The following PAN3 variants were observed in gnomAD, a reference collection of about 807,000 sequenced individuals.
PAN3 encodes poly(A) specific ribonuclease subunit PAN3.
A neutral mutation model predicts 96.2 loss-of-function variants in PAN3; 19 were observed. The observed-to-expected ratio is 0.20, with a 90% CI of 0.14 to 0.29. PAN3 has a LOEUF of 0.29. Among genes scored for constraint, PAN3 ranks in the 10% least tolerant of loss-of-function variants. PAN3 has a pLI of 1.00. For synonymous variants in PAN3, 433 were observed against 406.6 expected, an observed-to-expected ratio of 1.06 and a Z score of -0.78; for missense variants, 882 against 1,108.1, an observed-to-expected ratio of 0.80 and a Z score of 2.90.
intron 4 of PAN3, among the ~76,000 whole-genome samples, chr13:28,194,002 G>T (rs2138211227): frequency 6.6e-6 from 1 of 151,774 alleles, no homozygotes; most frequent in African/African-American, 2.4e-5. Flanking sequence ...AATAAAAATA[G>T]AAAAATTAGC....
chr13:28,272,025 A>G lies in PAN3; in HGVS notation c.2003A>G (p.Asp668Gly), dbSNP rs993499811. 2 of 1,594,214 alleles carry G rather than the reference A, an allele frequency of 1.3e-6. No individual in the cohort carries two copies. Among genetic ancestry groups the G allele is most frequent in the Non-Finnish European group, 1.7e-6 (2 of 1,165,786 alleles). The change falls in exon 14 of 19, where the codon GAT becomes GGT. Residue 668 changes from aspartate (D) to glycine (G), a missense_variant. By Grantham distance (94) the Asp-to-Gly change is moderately conservative. Transcript: ENST00000380958. ...GGAGTTTTTGATGTTTTAACATTTG[A>G]TAACAGTCAAAATAATAATCCATTG... Reference protein sequence around the residue: ...CVGVFDVLTFDNSQNNNPLAL... With the variant: ...CVGVFDVLTFGNSQNNNPLAL...
In PAN3 at chr13:28,289,712, C is replaced by T. The variant is rs369887443; in HGVS notation, c.2523+1590C>T. 4.2e-4 allele frequency among the ~76,000 whole-genome samples: 64 copies of T among 152,124 alleles called. 2 individuals are homozygous for T. In the Middle Eastern group the frequency reaches 0.01, roughly 24 times the overall value. ...CTGGCTAACACGGTGAAACCCCGTC[C>T]CTACTAAAAAATTAAAAAAGTTAGC... On this transcript the variant is annotated intron_variant, in intron 18 of 18. Coordinates refer to ENST00000380958, the MANE Select transcript of PAN3 (RefSeq NM_175854.8).
rs538205205 is a variant in PAN3, at chr13:28,177,705, T to C, written c.620-160T>C. 1.2e-4 allele frequency among the ~76,000 whole-genome samples: 18 copies of C among 152,332 alleles called. No homozygotes were observed. In the South Asian group the frequency reaches 3.1e-3, roughly 26 times the overall value. The stretch of plus-strand genomic sequence containing the variant: ...GAGCAAATTGGTTCACCAGTTTGTG[T>C]TTTATTTGCTCAGAAAATATTTGAA... On this transcript the variant is annotated intron_variant, in intron 3 of 18. Coordinates refer to ENST00000380958, the MANE Select transcript of PAN3 (RefSeq NM_175854.8).
rs961104371 is a variant in PAN3, at chr13:28,138,633, C to T, written c.-25C>T. 3 of 515,074 alleles carry T rather than the reference C, an allele frequency of 5.8e-6. No homozygotes were observed. The highest frequency in any genetic ancestry group is 2.3e-5 in the African/African-American group (1 of 44,432). 31.9% of individuals were successfully genotyped at this position (515,074 alleles called of 1,614,324 possible). ...GCGGCGGCGGCTCCTCGGGCGGCGGCGGAAGACGAGGCTGCGGCGTTGCCA... is the reference window on the plus strand; with the variant it reads ...GCGGCGGCGGCTCCTCGGGCGGCGGTGGAAGACGAGGCTGCGGCGTTGCCA... On this transcript the variant is annotated 5_prime_UTR_variant, in exon 1 of 19. Transcript: ENST00000380958.
intron 6 of PAN3, among the ~76,000 whole-genome samples, chr13:28,237,502 T>A (rs564065822): frequency 2.0e-5 from 3 of 152,128 alleles, no homozygotes; most frequent in South Asian, 2.1e-4. Flanking sequence ...CATACATTTT[T>A]AAAAAATAGC....
At position 28,267,130 on chromosome 13, in the gene PAN3, G is replaced by A; in HGVS notation, c.1609G>A (p.Val537Ile). Reference sequence around the variant, plus strand: ...TGTTAACACAAAGTGCATGGTGTTGGTCGACATGTGGAAGAAAATTCAACA... The same window carrying A: ...TGTTAACACAAAGTGCATGGTGTTGATCGACATGTGGAAGAAAATTCAACA... ...RLVNTKCMVL[V>I]DMWKKIQHSN... The change falls in exon 11 of 19, where the codon GTC becomes ATC. Residue 537 changes from valine (V) to isoleucine (I), a missense_variant. Physicochemically the swap from Val to Ile is conservative, Grantham distance 29. Transcript: ENST00000380958. The A allele has an allele frequency of 6.2e-7, 1 of 1,612,808 alleles. No homozygotes were observed. The highest frequency in any genetic ancestry group is 1.7e-4 in the Middle Eastern group (1 of 6,056).
chr13:28,138,740 T>G lies in PAN3; in HGVS notation c.83T>G (p.Val28Gly), dbSNP rs1869142906. ...TCGCTGGCGGCGGCGGTGGCGGTGG[T>G]GGCCCCGCCGGGGGTCGGGGGTGTC... ...SSSLAAAVAV[V>G]APPGVGGVPG... Residue 28 changes from valine (V) to glycine (G), a missense_variant, in exon 1 of 19, where the codon GTG becomes GGG. Physicochemically the swap from Val to Gly is moderately radical, Grantham distance 109. Around this residue, in one of 3 missense-constraint regions of PAN3, gnomAD observed 442 missense variants for 422.8 expected, o/e 1.05. Coordinates refer to ENST00000380958, the MANE Select transcript of PAN3 (RefSeq NM_175854.8). 3.3e-6 allele frequency: 4 copies of G among 1,225,968 alleles called. No individual in the cohort carries two copies. In the Admixed American group the frequency reaches 1.3e-4, roughly 41 times the overall value. The allele number at this position is 1,225,968 out of a possible 1,614,324, so 75.9% of individuals were successfully genotyped here. A position where few individuals can be genotyped will look rare whatever the true frequency, so the allele number is the denominator to read the frequency against.
At chr13:28,288,477 C>T (rs540755123) in intron 18 of PAN3, among the ~76,000 whole-genome samples, 21 of 152,062 alleles carry the variant, frequency 1.4e-4, no homozygotes, top group African/African-American at 4.6e-4. Flanking sequence ...TCTTTAGTAG[C>T]GACAAGGTTT....
chr13:28,220,450 A>G (rs1881282517), intron 6 of PAN3, 72 bp downstream of exon 6: 16 of 1,493,268 alleles, frequency 1.1e-5, no homozygotes, highest in Non-Finnish European at 1.5e-5. Context: ...TTAATTTATC[A>G]GAACTGAAAT....
At chr13:28,239,397 A>G (rs996090451) in intron 6 of PAN3, among the ~76,000 whole-genome samples, 1 of 152,006 alleles carries the variant, frequency 6.6e-6, no homozygotes, top group Non-Finnish European at 1.5e-5. Context: ...ACTGTAACTG[A>G]GTGAAAGCTT....
chr13:28,165,274 TTATA>T (rs965633214), intron 1 of PAN3, among the ~76,000 whole-genome samples: 2 of 150,860 alleles, frequency 1.3e-5, no homozygotes, highest in African/African-American at 4.9e-5. Flanking sequence ...TGATTTATAC[TTATA>T]TATCCTTTTT....
rs151240144 is a variant in PAN3 at position 28,182,465 on chromosome 13, C to A, written c.690+4530C>A. 4.0e-3 allele frequency among the ~76,000 whole-genome samples: 610 copies of A among 152,082 alleles called. 7 individuals carry two copies. The highest frequency in any genetic ancestry group is 0.014 in the African/African-American group (582 of 41,482). The stretch of plus-strand genomic sequence containing the variant: ...TTAGTATGTTGTTTCAGTCAATATG[C>A]GGTTTTATGTGGATATTTGTATTAT... On this transcript the variant is annotated intron_variant, in intron 4 of 18. Transcript: ENST00000380958.
At chr13:28,156,560 A>G (rs946597101) in intron 1 of PAN3, among the ~76,000 whole-genome samples, 33 of 152,226 alleles carry the variant, frequency 2.2e-4, no homozygotes, top group Non-Finnish European at 3.8e-4. Context: ...ATCTCATTCA[A>G]TGACCAGCAT....
chr13:28,284,061 G>C (rs188401430), intron 17 of PAN3, among the ~76,000 whole-genome samples: 1 of 152,172 alleles, frequency 6.6e-6, no homozygotes, highest in Admixed American at 6.5e-5. Flanking sequence ...AATTGTGATT[G>C]CTAGGTCAGT....
intron 6 of PAN3, among the ~76,000 whole-genome samples, chr13:28,251,328 TATGAG>T (rs1278148731): frequency 1.3e-5 from 2 of 152,264 alleles, no homozygotes; most frequent in African/African-American, 4.8e-5. Context: ...TGCTCGTTCT[TATGAG>T]TTCTTTTAAG....
Position 28,251,612 on chromosome 13 carries a change from C to T in PAN3, c.1001-4680C>T, listed in dbSNP as rs563023676. Among the ~76,000 whole-genome samples, 4 of 152,298 alleles carry T rather than the reference C, an allele frequency of 2.6e-5. No homozygotes were observed. In the South Asian group the frequency reaches 8.3e-4, roughly 32 times the overall value. On this transcript the variant is annotated intron_variant, in intron 6 of 18. Coordinates refer to ENST00000380958, the MANE Select transcript of PAN3 (RefSeq NM_175854.8). ...ACCTTCCTCCTTTTTCTCCATTGCT[C>T]TTCGACAGACAGGCTTCCCTTTTTG...
chr13:28,200,508 A>G (rs1398818548), intron 5 of PAN3, among the ~76,000 whole-genome samples: 1 of 152,188 alleles, frequency 6.6e-6, no homozygotes, highest in Non-Finnish European at 1.5e-5. Flanking sequence ...TTCATACTGC[A>G]TTTATTCTCT....
intron 11 of PAN3, 33 bp downstream of exon 11, chr13:28,267,244 G>A: frequency 6.2e-7 from 1 of 1,610,436 alleles, no homozygotes. Flanking sequence ...TTCTGCTGGT[G>A]AGCTTCATTA....
At chr13:28,202,690 C>T (rs915377161) in intron 5 of PAN3, among the ~76,000 whole-genome samples, 8 of 151,826 alleles carry the variant, frequency 5.3e-5, no homozygotes, top group Non-Finnish European at 1.2e-4. Context: ...ATTTGTTTAA[C>T]TTACTTTACT....
Sources: gnomAD v4.1 joint callset for allele counts (sites outside exome capture counted in the v4.1 genomes callset) on GRCh38, gnomAD v4.1.1 for gene constraint, gnomAD v4.1.1 regional missense constraint, MANE v1.5 for transcripts, NCBI Gene and HGNC (gene_info 2026-07-23, HGNC 2026-07-21) for gene names.